Variants in ACTR3C observed in about 807,000 individuals in gnomAD.
ACTR3C encodes actin-related protein 3C.
In ACTR3C, 18 loss-of-function variants were observed where a neutral mutation model predicts 26.3. The observed-to-expected ratio is 0.68, with a 90% CI of 0.47 to 1.01. The LOEUF (loss-of-function observed/expected upper bound fraction) is 1.01. ACTR3C is among the 50% of genes least tolerant of loss of function. The probability of loss-of-function intolerance (pLI) is 0.00; values close to 1 mark genes in which losing one functional copy is unlikely to be tolerated. For missense variants in ACTR3C, 184 were observed against 250.7 expected (o/e 0.73, Z 1.80); for synonymous variants, 55 against 94.5 (o/e 0.58, Z 2.42).
the ACTR3C span, among the ~76,000 whole-genome samples, chr7:150,211,010 CTTCAATAA>C: frequency 6.6e-6 from 1 of 150,580 alleles, no homozygotes; most frequent in Non-Finnish European, 1.5e-5. Flanking sequence ...ACTTAGCTGA[CTTCAATAA>C]TTTATAACTT....
the ACTR3C span, among the ~76,000 whole-genome samples, chr7:150,193,279 C>G: frequency 6.6e-6 from 1 of 151,514 alleles, no homozygotes; most frequent in Non-Finnish European, 1.5e-5. Context: ...TTTAATTTCT[C>G]TTTTATATTT....
chr7:150,015,160 T>G, the ACTR3C span, among the ~76,000 whole-genome samples: 1 of 152,182 alleles, frequency 6.6e-6, no homozygotes, highest in Non-Finnish European at 1.5e-5. Flanking sequence ...AAATGCTATG[T>G]GACTCTCTAG....
At chr7:149,919,573 C>T in the ACTR3C span, among the ~76,000 whole-genome samples, 1 of 152,082 alleles carries the variant, frequency 6.6e-6, no homozygotes, top group East Asian at 1.9e-4. Context: ...TTTTTCCAAC[C>T]TTTTACTTTC....
At chr7:150,015,347 C>T in the ACTR3C span, among the ~76,000 whole-genome samples, 8 of 152,172 alleles carry the variant, frequency 5.3e-5, no homozygotes, top group Non-Finnish European at 8.8e-5. Flanking sequence ...AAGTTGATTT[C>T]TAATATGAAT....
the ACTR3C span, among the ~76,000 whole-genome samples, chr7:150,075,984 A>T: frequency 1.3e-5 from 2 of 152,140 alleles, no homozygotes. Flanking sequence ...CAAGAATTAC[A>T]TTATGCAATC....
chr7:150,237,763 G>A, the ACTR3C span, among the ~76,000 whole-genome samples: 3 of 151,742 alleles, frequency 2.0e-5, no homozygotes, highest in Non-Finnish European at 4.4e-5. Context: ...CTTGCTGGTA[G>A]CCAGCTCTGG....
At chr7:150,073,986 G>A in the ACTR3C span, 1 of 152,230 alleles carries the variant, frequency 6.6e-6, no homozygotes, top group Non-Finnish European at 1.5e-5. Flanking sequence ...AACTCACCAA[G>A]GACACTTGAA....
At chr7:149,973,115 C>T in the ACTR3C span, among the ~76,000 whole-genome samples, 5 of 152,078 alleles carry the variant, frequency 3.3e-5, no homozygotes. Flanking sequence ...CCCAGGTAAG[C>T]CCCATGAGCG....
chr7:149,980,866 C>T, the ACTR3C span, among the ~76,000 whole-genome samples: 12,980 of 151,472 alleles, frequency 0.086, 291 homozygotes, highest in Non-Finnish European at 0.12. Context: ...TTACATTTGA[C>T]TTTATAACTA....
At chr7:150,256,052 G>C (rs1340872443) in intron 6 of ACTR3C, among the ~76,000 whole-genome samples, 2 of 152,222 alleles carry the variant, frequency 1.3e-5, no homozygotes, top group Non-Finnish European at 2.9e-5. Context: ...TTATCACTAA[G>C]TTGTTTTAAG....
chr7:149,977,654 C>T, the ACTR3C span, among the ~76,000 whole-genome samples: 1 of 152,152 alleles, frequency 6.6e-6, no homozygotes, highest in East Asian at 1.9e-4. Flanking sequence ...TCACTGTGGC[C>T]AGCTCTAGCT....
chr7:150,288,756 C>T (rs2129612707), intron 4 of ACTR3C, among the ~76,000 whole-genome samples: 1 of 145,410 alleles, frequency 6.9e-6, no homozygotes, highest in African/African-American at 2.7e-5. Flanking sequence ...ACCATTTCAG[C>T]ACTGAGAGCC....
At chr7:149,882,528 A>T in the ACTR3C span, among the ~76,000 whole-genome samples, 1 of 151,854 alleles carries the variant, frequency 6.6e-6, no homozygotes, top group East Asian at 1.9e-4. Flanking sequence ...ATTCCGGGAG[A>T]GAGGAGAGGG....
At chr7:150,182,154 C>T in the ACTR3C span, among the ~76,000 whole-genome samples, 1 of 150,382 alleles carries the variant, frequency 6.6e-6, no homozygotes. Context: ...CCATGCATCA[C>T]CAACAGATCA....
At chr7:149,983,433 G>A in the ACTR3C span, among the ~76,000 whole-genome samples, 2,992 of 12,584 alleles carry the variant, frequency 0.24, 320 homozygotes, top group East Asian at 0.36. Flanking sequence ...TGTGTGTTGT[G>A]TGTATGTGTG....
At chr7:150,250,801 T>C (rs1477654769) in intron 6 of ACTR3C, among the ~76,000 whole-genome samples, 1 of 152,016 alleles carries the variant, frequency 6.6e-6, no homozygotes, top group Non-Finnish European at 1.5e-5. Context: ...ATCAGAAGTC[T>C]GGCTAGGGTT....
the ACTR3C span, among the ~76,000 whole-genome samples, chr7:150,018,856 A>G: frequency 6.6e-6 from 1 of 150,530 alleles, no homozygotes; most frequent in African/African-American, 2.5e-5. Context: ...ACATTTTGGA[A>G]TCTTGCTTCA....
chr7:150,170,040 G>C, the ACTR3C span, among the ~76,000 whole-genome samples: 5 of 149,294 alleles, frequency 3.3e-5, no homozygotes, highest in Admixed American at 3.3e-4. Context: ...GTGTGGTTTA[G>C]TTTTATCCTG....
the ACTR3C span, among the ~76,000 whole-genome samples, chr7:150,203,005 T>G: frequency 2.6e-5 from 4 of 152,374 alleles, no homozygotes; most frequent in African/African-American, 9.6e-5. Flanking sequence ...GAAAGGCTTC[T>G]ACTGATTTGT....
Sources: gnomAD v4.1 joint callset for allele counts (sites outside exome capture counted in the v4.1 genomes callset) on GRCh38, gnomAD v4.1.1 for gene constraint, MANE v1.5 for transcripts, NCBI Gene and HGNC (gene_info 2026-07-23, HGNC 2026-07-21) for gene names.